The following PLXDC2 variants were observed in gnomAD, a reference collection of about 807,000 sequenced individuals.
PLXDC2 encodes the protein plexin domain containing 2.
A neutral mutation model predicts 68.9 loss-of-function variants in PLXDC2; 40 were observed. The observed-to-expected ratio is 0.58, with a 90% CI of 0.45 to 0.76. PLXDC2 has a LOEUF of 0.76. Ranked by LOEUF, PLXDC2 falls within the 30% of genes least tolerant of loss-of-function variation. The pLI, the probability that PLXDC2 is intolerant of heterozygous loss-of-function variation, is 0.00. For missense variants in PLXDC2, 644 were observed against 661.9 expected, an observed-to-expected ratio of 0.97 and a Z score of 0.30; for synonymous variants, 243 against 234.2, an observed-to-expected ratio of 1.04 and a Z score of -0.34.
chr10:19,904,975 T>G (rs546094725), intron 1 of PLXDC2, among the ~76,000 whole-genome samples: 2 of 152,332 alleles, frequency 1.3e-5, no homozygotes, highest in East Asian at 3.9e-4. Flanking sequence ...CCACAATGTG[T>G]GCTAGCCTTT....
intron 3 of PLXDC2, among the ~76,000 whole-genome samples, chr10:20,048,904 G>T (rs1278724425): frequency 6.6e-6 from 1 of 152,030 alleles, no homozygotes; most frequent in Non-Finnish European, 1.5e-5. Context: ...CTTATTGTTA[G>T]TGTGGCAGTG....
intron 1 of PLXDC2, among the ~76,000 whole-genome samples, chr10:19,907,410 A>T (rs1316480548): frequency 6.6e-6 from 1 of 152,214 alleles, no homozygotes; most frequent in Non-Finnish European, 1.5e-5. Flanking sequence ...TATGTAGGAA[A>T]ATCAACAAGT....
At chr10:20,011,535 G>T (rs1210863083) in intron 2 of PLXDC2, among the ~76,000 whole-genome samples, 1 of 152,206 alleles carries the variant, frequency 6.6e-6, no homozygotes, top group East Asian at 1.9e-4. Flanking sequence ...TCATGTCCCT[G>T]TGGGGGCCAT....
chr10:20,203,292 AT>A (rs10582241), intron 9 of PLXDC2, among the ~76,000 whole-genome samples: 23,986 of 144,546 alleles, frequency 0.17, 2,026 homozygotes, highest in African/African-American at 0.24. Flanking sequence ...AATAAGATGA[AT>A]TTTTTTTTTT....
chr10:20,050,527 A>G (rs541893931), intron 3 of PLXDC2, among the ~76,000 whole-genome samples: 64 of 152,174 alleles, frequency 4.2e-4, no homozygotes, highest in East Asian at 1.9e-4. Context: ...AAAAAAACGC[A>G]TTAAAAAGTG....
intron 1 of PLXDC2, among the ~76,000 whole-genome samples, chr10:19,934,346 A>C (rs1833689503): frequency 6.6e-6 from 1 of 152,236 alleles, no homozygotes; most frequent in Non-Finnish European, 1.5e-5. Context: ...GTCCTTTTTT[A>C]GACCAAAGGA....
In PLXDC2 at chr10:19,952,902, T is replaced by A. The variant is rs551217930; in HGVS notation, c.113-48873T>A. 2.0e-5 allele frequency among the ~76,000 whole-genome samples: 3 copies of A among 152,126 alleles called. No homozygotes were observed. The South Asian group carries it at 6.2e-4, about 32-fold the overall frequency. On this transcript the variant is annotated intron_variant, in intron 1 of 13. Coordinates refer to ENST00000377252, the MANE Select transcript of PLXDC2 (RefSeq NM_032812.9). ...AGGAAAAGTAATTTTAATTTTAATT[T>A]TTTTCTTCTTTTTTTTTGTTTTGAT...
intron 1 of PLXDC2, among the ~76,000 whole-genome samples, chr10:19,843,810 A>T (rs1291318523): frequency 6.6e-6 from 1 of 152,180 alleles, no homozygotes; most frequent in Non-Finnish European, 1.5e-5. Context: ...GAGGTTGGTT[A>T]GTGGGTATAA....
At chr10:19,836,628 T>C (rs1327696177) in intron 1 of PLXDC2, among the ~76,000 whole-genome samples, 1 of 152,150 alleles carries the variant, frequency 6.6e-6, no homozygotes, top group Non-Finnish European at 1.5e-5. Context: ...TTTTATTTTA[T>C]CAGTGAAGTC....
At chr10:20,140,442 C>T (rs2460596) in intron 4 of PLXDC2, among the ~76,000 whole-genome samples, 5,398 of 145,348 alleles carry the variant, frequency 0.037, 169 homozygotes, top group Non-Finnish European at 0.049. Context: ...TCTATCTATC[C>T]GTCTAATCTT....
intron 2 of PLXDC2, among the ~76,000 whole-genome samples, chr10:20,014,252 T>C (rs1835165487): frequency 7.7e-6 from 1 of 129,582 alleles, no homozygotes; most frequent in Non-Finnish European, 1.6e-5. Flanking sequence ...TTCCTTCCTC[T>C]CTCCCTCTCT....
chr10:20,019,362 C>T (rs552368085), intron 2 of PLXDC2, among the ~76,000 whole-genome samples: 73 of 152,206 alleles, frequency 4.8e-4, no homozygotes, highest in African/African-American at 1.7e-3. Context: ...GGACCCACAT[C>T]TTCTATTTGT....
At chr10:19,918,521 T>A (rs1833407254) in intron 1 of PLXDC2, among the ~76,000 whole-genome samples, 1 of 152,176 alleles carries the variant, frequency 6.6e-6, no homozygotes. Flanking sequence ...TCAAGTACAT[T>A]AAACACAAGT....
chr10:19,927,703 G>GGAAAAA (rs1833561088), intron 1 of PLXDC2, among the ~76,000 whole-genome samples: 1 of 39,582 alleles, frequency 2.5e-5, no homozygotes, highest in East Asian at 6.4e-4. Context: ...TCCATCTCAA[G>GGAAAAA]GAAAAAAAGC....
intron 13 of PLXDC2, among the ~76,000 whole-genome samples, chr10:20,269,290 A>G (rs1477407736): frequency 6.8e-6 from 1 of 146,072 alleles, no homozygotes; most frequent in East Asian, 2.0e-4. Flanking sequence ...TATGCATCTA[A>G]AGACAGAGGA....
chr10:20,073,146 A>G (rs1836366009), intron 4 of PLXDC2, among the ~76,000 whole-genome samples: 2 of 152,098 alleles, frequency 1.3e-5, no homozygotes, highest in African/African-American at 4.8e-5. Flanking sequence ...TTCCTCTTGA[A>G]CCTGTTTCTA....
At chr10:20,115,474 T>C (rs890158276) in intron 4 of PLXDC2, among the ~76,000 whole-genome samples, 22 of 152,204 alleles carry the variant, frequency 1.4e-4, no homozygotes, top group African/African-American at 5.3e-4. Context: ...TAAATAGTCC[T>C]AAGGGTGATT....
chr10:20,032,992 T>C (rs939208163), intron 2 of PLXDC2, among the ~76,000 whole-genome samples: 1 of 134,758 alleles, frequency 7.4e-6, no homozygotes, highest in Non-Finnish European at 1.5e-5. Context: ...ATGAGAACAC[T>C]TGGACACAGG....
intron 3 of PLXDC2, among the ~76,000 whole-genome samples, chr10:20,062,410 G>A (rs1564301071): frequency 1.3e-5 from 2 of 151,962 alleles, no homozygotes; most frequent in African/African-American, 4.8e-5. Flanking sequence ...GTGGCAGAGC[G>A]AGACTCCATC....
Sources: allele counts gnomAD v4.1 joint callset (sites outside exome capture counted in the v4.1 genomes callset), GRCh38; gene constraint gnomAD v4.1.1; transcripts MANE v1.5; gene names NCBI Gene and HGNC (gene_info 2026-07-23, HGNC 2026-07-21).